Variants in CTIF observed in about 807,000 individuals in gnomAD.
The protein encoded by CTIF is CBP80/20-dependent translation initiation factor.
CTIF carries 21 observed loss-of-function variants against 66.0 expected under a neutral mutation model. The ratio of observed to expected loss-of-function variants is 0.32; its 90% CI spans 0.23 to 0.46. The LOEUF is 0.46. CTIF is among the 20% of genes least tolerant of loss of function. CTIF has a pLI of 1.00. For missense variants in CTIF, 739 were observed against 812.7 expected, an observed-to-expected ratio of 0.91 and a Z score of 1.10; for synonymous variants, 345 against 326.4, an observed-to-expected ratio of 1.06 and a Z score of -0.62.
In CTIF at chr18:48,859,403, G is replaced by T. The variant is rs1397698807; in HGVS notation, c.1641G>T (p.Leu547=). 1 of 1,614,146 alleles carries T rather than the reference G, an allele frequency of 6.2e-7. No homozygotes were observed. The highest frequency in any genetic ancestry group is 1.7e-5 in the Admixed American group (1 of 60,028). ...TGCCTGAGATGATGACAGAGCTCCT[G>T]GCCAGCGCACGGGACAAGATGCTGT... ...EQLPEMMTEL[L]ASARDKMLCP... Residue 547 remains leucine (L), a synonymous_variant, in exon 12 of 12, where the codon CTG becomes CTT. Coordinates refer to ENST00000256413, the MANE Select transcript of CTIF (RefSeq NM_014772.3).
At chr18:48,610,566 T>C (rs2090289936) in intron 1 of CTIF, among the ~76,000 whole-genome samples, 1 of 152,172 alleles carries the variant, frequency 6.6e-6, no homozygotes, top group African/African-American at 2.4e-5. Flanking sequence ...GGCCTGTACC[T>C]TCCACACTCC....
intron 7 of CTIF, among the ~76,000 whole-genome samples, chr18:48,727,197 G>A (rs1004080215): frequency 2.6e-5 from 4 of 152,162 alleles, no homozygotes; most frequent in African/African-American, 9.7e-5. Flanking sequence ...CATAGACATT[G>A]TTGGTCCATA....
At chr18:48,653,428 G>A (rs561569602) in intron 3 of CTIF, among the ~76,000 whole-genome samples, 1 of 152,100 alleles carries the variant, frequency 6.6e-6, no homozygotes, top group African/African-American at 2.4e-5. Flanking sequence ...GGAATGTGAA[G>A]GACCTCTTCA....
intron 3 of CTIF, among the ~76,000 whole-genome samples, chr18:48,647,185 A>G (rs980894976): frequency 6.6e-6 from 1 of 152,246 alleles, no homozygotes; most frequent in African/African-American, 2.4e-5. Context: ...AGTGATTTTC[A>G]AAAAGCCAGT....
intron 7 of CTIF, among the ~76,000 whole-genome samples, chr18:48,733,775 G>A (rs900718535): frequency 2.0e-5 from 3 of 152,302 alleles, no homozygotes; most frequent in East Asian, 3.9e-4. Context: ...GACCCTCCTG[G>A]CTCTTCACAC....
intron 7 of CTIF, chr18:48,755,872 A>G (rs1330631494): frequency 6.6e-6 from 1 of 152,238 alleles, no homozygotes; most frequent in Non-Finnish European, 1.5e-5. Flanking sequence ...CACTGTATAT[A>G]AAAAGAAACC....
intron 9 of CTIF, among the ~76,000 whole-genome samples, chr18:48,815,531 A>T (rs1018418663): frequency 6.6e-6 from 1 of 152,238 alleles, no homozygotes; most frequent in Non-Finnish European, 1.5e-5. Flanking sequence ...CAAAATAGTT[A>T]TAGATACACA....
chr18:48,680,037 T>C (rs1201559918), intron 6 of CTIF, among the ~76,000 whole-genome samples: 1 of 152,178 alleles, frequency 6.6e-6, no homozygotes, highest in Non-Finnish European at 1.5e-5. Flanking sequence ...CTCAGCCGAA[T>C]GCTCTCCAGC....
At chr18:48,784,615 G>A (rs1315294200) in intron 9 of CTIF, among the ~76,000 whole-genome samples, 1 of 152,120 alleles carries the variant, frequency 6.6e-6, no homozygotes, top group Non-Finnish European at 1.5e-5. Context: ...AAGGACCCTG[G>A]GAGGAGCAAA....
intron 10 of CTIF, among the ~76,000 whole-genome samples, chr18:48,849,836 G>A (rs533932622): frequency 2.1e-4 from 32 of 152,050 alleles, no homozygotes; most frequent in East Asian, 7.7e-4. Flanking sequence ...CACCCGTCTC[G>A]ACCTCCCAAA....
chr18:48,610,443 G>A (rs754954068), intron 1 of CTIF, among the ~76,000 whole-genome samples: 51 of 151,900 alleles, frequency 3.4e-4, no homozygotes, highest in South Asian at 6.2e-4. Context: ...ATGCCCTCCC[G>A]CCTATTGGGC....
intron 1 of CTIF, among the ~76,000 whole-genome samples, chr18:48,601,718 A>G (rs150978106): frequency 4.6e-5 from 7 of 152,346 alleles, no homozygotes; most frequent in African/African-American, 7.2e-5. Context: ...AAGACTGCAT[A>G]TACTGATATG....
chr18:48,837,315 A>G (rs572220195), intron 10 of CTIF, among the ~76,000 whole-genome samples: 1 of 152,180 alleles, frequency 6.6e-6, no homozygotes, highest in Non-Finnish European at 1.5e-5. Flanking sequence ...GGGCTGTCTA[A>G]GGCCCATCAA....
chr18:48,680,093 G>C (rs550139490), intron 6 of CTIF, among the ~76,000 whole-genome samples: 1 of 152,204 alleles, frequency 6.6e-6, no homozygotes, highest in Non-Finnish European at 1.5e-5. Context: ...GTGGGACAGG[G>C]CCTGACTGAG....
rs1308136578 is a variant in CTIF at position 48,861,658 on chromosome 18, G to C, written c.*2099G>C. On this transcript the variant is annotated 3_prime_UTR_variant, in exon 12 of 12. Coordinates refer to ENST00000256413, the MANE Select transcript of CTIF (RefSeq NM_014772.3). ...GGAGCTCAGGTCAGGGAGGAGGCAG[G>C]GGAGTGGGGTCTCCCAGACCCAACG... The C allele has an allele frequency of 6.6e-6, 1 of 152,494 alleles. No homozygotes were observed. The highest frequency in any genetic ancestry group is 1.5e-5 in the Non-Finnish European group (1 of 68,260). The allele number at this position is 152,494 out of a possible 1,614,324, so 9.4% of individuals were successfully genotyped here. A position where few individuals can be genotyped will look rare whatever the true frequency, so the allele number is the denominator to read the frequency against.
intron 1 of CTIF, among the ~76,000 whole-genome samples, chr18:48,583,665 T>C (rs1164156350): frequency 1.3e-5 from 2 of 152,136 alleles, no homozygotes; most frequent in African/African-American, 2.4e-5. Context: ...GCTGGGCATA[T>C]GAGCAGGGAG....
chr18:48,776,503 C>A (rs778393650), intron 9 of CTIF, among the ~76,000 whole-genome samples: 1 of 152,260 alleles, frequency 6.6e-6, no homozygotes, highest in Non-Finnish European at 1.5e-5. Context: ...CCTCCCCTCC[C>A]TCAAGTGGTG....
chr18:48,734,249 AG>A (rs906100299), intron 7 of CTIF, among the ~76,000 whole-genome samples: 40 of 152,296 alleles, frequency 2.6e-4, no homozygotes, highest in African/African-American at 9.1e-4. Flanking sequence ...CTGTGGTCAG[AG>A]ATAATACCAG....
chr18:48,801,463 T>A (rs899250115), intron 9 of CTIF, among the ~76,000 whole-genome samples: 1 of 152,214 alleles, frequency 6.6e-6, no homozygotes, highest in African/African-American at 2.4e-5. Flanking sequence ...TGCACTCCCA[T>A]TGCAGCTTCC....
Sources: gnomAD v4.1 joint callset for allele counts (sites outside exome capture counted in the v4.1 genomes callset) on GRCh38, gnomAD v4.1.1 for gene constraint, MANE v1.5 for transcripts, NCBI Gene and HGNC (gene_info 2026-07-23, HGNC 2026-07-21) for gene names.